ZNF397: variants seen among roughly 807,000 people sequenced by gnomAD.
ZNF397 encodes zinc finger protein 397, also known as zinc finger and SCAN domain-containing protein 15.
In ZNF397, 38 loss-of-function variants were observed where a neutral mutation model predicts 50.6. The observed-to-expected ratio is 0.75, with a 90% CI of 0.58 to 0.98. The LOEUF is 0.98. ZNF397 is among the 50% of genes least tolerant of loss of function. The pLI, the probability that ZNF397 is intolerant of heterozygous loss-of-function variation, is 0.00. For synonymous variants in ZNF397, 228 were observed against 215.2 expected (o/e 1.06, Z -0.52); for missense variants, 624 against 624.1 (o/e 1.00, Z 0.00).
intron 3 of ZNF397, among the ~76,000 whole-genome samples, chr18:35,244,968 A>G (rs897420304): frequency 1.2e-4 from 19 of 152,204 alleles, no homozygotes; most frequent in Non-Finnish European, 2.6e-4. Flanking sequence ...ACTTAAGCTT[A>G]TTTAAAAGCT....
rs1912435308 is a variant in ZNF397 at position 35,241,057 on chromosome 18, G to A, written c.-133G>A. On this transcript the variant is annotated 5_prime_UTR_variant, in exon 1 of 4. Coordinates refer to ENST00000330501, the MANE Select transcript of ZNF397 (RefSeq NM_001135178.3). ...GCGTACGCGCACTTCCGGTCTTTGT[G>A]GCTTGCAGCTCGGGGTGGGTGGCTC... 1 of 152,410 alleles carries A rather than the reference G, an allele frequency of 6.6e-6. No individual in the cohort carries two copies. The allele number at this position is 152,410 out of a possible 1,614,324, so 9.4% of individuals were successfully genotyped here.
intron 1 of ZNF397, among the ~76,000 whole-genome samples, chr18:35,242,069 G>C (rs1912544165): frequency 6.6e-6 from 1 of 152,186 alleles, no homozygotes; most frequent in Admixed American, 6.5e-5. Flanking sequence ...ACATGTTAAA[G>C]ATAGACTTTT....
chr18:35,244,931 GAAGGTTGATTTTAA>G (rs1335730052), intron 3 of ZNF397, among the ~76,000 whole-genome samples: 1 of 152,180 alleles, frequency 6.6e-6, no homozygotes, highest in Non-Finnish European at 1.5e-5. Context: ...ATGTAGGCAA[GAAGGTTGATTTTAA>G]AAGGTGAGAG....
chr18:35,248,181 C>T lies in ZNF397; in HGVS notation c.*1871C>T, dbSNP rs1480492010. ...AATAGGTCAGAAGAATAACATACCACACCAAAAACAAATCTGTATGGAAAT... is the reference window on the plus strand; with the variant it reads ...AATAGGTCAGAAGAATAACATACCATACCAAAAACAAATCTGTATGGAAAT... On this transcript the variant is annotated 3_prime_UTR_variant, in exon 4 of 4. Transcript: ENST00000330501. The T allele has an allele frequency of 1.3e-5, 2 of 152,138 alleles. No individual in the cohort carries two copies. The highest frequency in any genetic ancestry group is 2.4e-5 in the African/African-American group (1 of 41,426). The allele number at this position is 152,138 out of a possible 1,614,324, so 9.4% of individuals were successfully genotyped here.
chr18:35,254,246 C>T, downstream of ZNF397: 9 of 1,614,140 alleles, frequency 5.6e-6, no homozygotes, highest in Non-Finnish European at 6.8e-6. Flanking sequence ...GTCCAGACCT[C>T]CCAAAGCTTC....
At position 35,245,662 on chromosome 18, in the gene ZNF397, G is replaced by C; in HGVS notation, c.957G>C (p.Gly319=). The part of the protein sequence containing the change: ...GEKPYKCNQC[G]KAFSLRSYLI... ...AGCCCTATAAATGTAACCAGTGTGG[G>C]AAGGCCTTTAGTTTGAGGTCCTATC... Residue 319 remains glycine, a synonymous_variant, in exon 4 of 4, where the codon GGG becomes GGC. Transcript: ENST00000330501. 1 of 1,553,638 alleles carries C rather than the reference G, an allele frequency of 6.4e-7. No individual in the cohort carries two copies. Among genetic ancestry groups the C allele is most frequent in the Non-Finnish European group, 8.7e-7 (1 of 1,148,044 alleles).
Position 35,247,299 on chromosome 18 carries a change from T to TA in ZNF397, c.*990dup. ...TATGTGACCCCAGGGAAAGGGCAAATATGTGGTTTCCTTGCCCAACCTGTA... is the reference window on the plus strand; with the variant it reads ...TATGTGACCCCAGGGAAAGGGCAAATAATGTGGTTTCCTTGCCCAACCTGTA... On this transcript the variant is annotated 3_prime_UTR_variant, in exon 4 of 4. Coordinates refer to ENST00000330501, the MANE Select transcript of ZNF397 (RefSeq NM_001135178.3). 2.1e-6 allele frequency: 1 copy of TA among 465,692 alleles called. No homozygotes were observed. Among genetic ancestry groups the TA allele is most frequent in the Non-Finnish European group, 2.8e-6 (1 of 354,700 alleles). 28.8% of individuals were successfully genotyped at this position (465,692 alleles called of 1,614,324 possible).
downstream of ZNF397, chr18:35,253,341 G>T: frequency 4.9e-6 from 4 of 813,042 alleles, no homozygotes; most frequent in Non-Finnish European, 5.7e-6. Flanking sequence ...TACCGAACTG[G>T]GAGGGAAGGA....
In ZNF397 at chr18:35,246,123, GA is replaced by G; in HGVS notation, c.1420del (p.Ile474PhefsTer60). ...SLSSNLIRHQ[R>X]IHSGEEPYQC... The stretch of plus-strand genomic sequence containing the variant: ...AGCTCAAACCTTATCAGACATCAGA[GA>G]ATTCATAGTGGGGAGGAACCTTATC... On this transcript the variant is annotated frameshift_variant, in exon 4 of 4. Transcript: ENST00000330501. LOFTEE classifies it high-confidence loss of function. 1 of 1,551,746 alleles carries G rather than the reference GA, an allele frequency of 6.4e-7. No homozygotes were observed. Among genetic ancestry groups the G allele is most frequent in the African/African-American group, 1.4e-5 (1 of 73,156 alleles).
At position 35,246,590 on chromosome 18, in the gene ZNF397, C is replaced by T; in HGVS notation, c.*280C>T. On this transcript the variant is annotated 3_prime_UTR_variant, in exon 4 of 4. Coordinates refer to ENST00000330501, the MANE Select transcript of ZNF397 (RefSeq NM_001135178.3). ...AAGTGGGAATGTAACATTGAAACCT[C>T]ATTTTGTATGAAAGTGTCATGAATA... 1.7e-6 allele frequency: 2 copies of T among 1,184,022 alleles called. No homozygotes were observed. Among genetic ancestry groups the T allele is most frequent in the South Asian group, 2.5e-5 (1 of 39,402 alleles). The allele number at this position is 1,184,022 out of a possible 1,614,324, so 73.3% of individuals were successfully genotyped here.
At chr18:35,254,432 G>A (rs376471754), downstream of ZNF397, 3 of 1,612,714 alleles carry the variant, frequency 1.9e-6, no homozygotes, top group Middle Eastern at 1.6e-4. Context: ...CATGACAGAA[G>A]AAACTGTTGT....
At chr18:35,254,356 C>T (rs2143651542), downstream of ZNF397, 1 of 1,613,960 alleles carries the variant, frequency 6.2e-7, no homozygotes, top group Admixed American at 1.7e-5. Flanking sequence ...TTGCCATCAA[C>T]ACTTTGCCAG....
downstream of ZNF397, chr18:35,253,421 T>G: frequency 6.6e-7 from 1 of 1,523,184 alleles, no homozygotes; most frequent in Non-Finnish European, 8.8e-7. Flanking sequence ...TCCTTGCATT[T>G]CACAATTGTA....
chr18:35,244,170 C>T (rs892865330), intron 3 of ZNF397: 3 of 154,366 alleles, frequency 1.9e-5, no homozygotes, highest in Non-Finnish European at 4.4e-5. Flanking sequence ...GACTCCTGTT[C>T]AACAGCATTT....
At chr18:35,255,479 T>A (rs2043773813) in intron 5 of ZNF397, among the ~76,000 whole-genome samples, 1 of 151,786 alleles carries the variant, frequency 6.6e-6, no homozygotes, top group Admixed American at 6.6e-5. Flanking sequence ...TTGCTAAGAG[T>A]TAGGATTCAA....
Position 35,245,783 on chromosome 18 carries a change from C to T in ZNF397, c.1078C>T (p.Arg360Trp), listed in dbSNP as rs746286942. Residue 360 changes from arginine (R) to tryptophan (W), a missense_variant, in exon 4 of 4, where the codon CGG becomes TGG. Transcript: ENST00000330501. ...TCAGAGCTCAGCCCTCATTAGACATCGGAAAATCCATACTGGTGAGAAAGC... is the reference window on the plus strand; with the variant it reads ...TCAGAGCTCAGCCCTCATTAGACATTGGAAAATCCATACTGGTGAGAAAGC... ...FNQSSALIRH[R>W]KIHTGEKACK... 5.0e-5 allele frequency: 77 copies of T among 1,551,986 alleles called. No homozygotes were observed. Among genetic ancestry groups the T allele is most frequent in the Non-Finnish European group, 6.6e-5 (76 of 1,147,168 alleles).
downstream of ZNF397, among the ~76,000 whole-genome samples, chr18:35,249,980 C>A (rs1285784143): frequency 2.0e-5 from 3 of 151,948 alleles, no homozygotes; most frequent in Non-Finnish European, 4.4e-5. Context: ...AAAGCACTTG[C>A]TTTTCATAGC....
rs759842783 is a variant in ZNF397, at chr18:35,246,064, T to C, written c.1359T>C (p.Tyr453=). The C allele has an allele frequency of 7.1e-6, 11 of 1,559,262 alleles. No homozygotes were observed. The highest frequency in any genetic ancestry group is 9.6e-6 in the Non-Finnish European group (11 of 1,151,638). The change falls in exon 4 of 4, where the codon TAT becomes TAC. Residue 453 remains tyrosine, a synonymous_variant. Coordinates refer to ENST00000330501, the MANE Select transcript of ZNF397 (RefSeq NM_001135178.3). The part of the protein sequence containing the change: ...HQRIHSGEKP[Y]ECSECGKAFS... ...GAATACATAGTGGAGAGAAACCCTA[T>C]GAATGTAGTGAATGTGGAAAAGCTT...
rs116213495 is a variant in ZNF397, at chr18:35,255,277, G to A, written c.817+875G>A. On this transcript the variant is annotated intron_variant, in intron 5 of 5. Transcript: ENST00000261333. ...AGTAACTCATAACAGAAGGCTACTA[G>A]AGATGGGGCATATTATGTCAGCCAT... Among the ~76,000 whole-genome samples the A allele has an allele frequency of 2.5e-3, 379 of 151,546 alleles. 1 individual carries two copies. Among genetic ancestry groups the A allele is most frequent in the African/African-American group, 8.8e-3 (363 of 41,418 alleles).
Sources: allele counts gnomAD v4.1 joint callset (sites outside exome capture counted in the v4.1 genomes callset), GRCh38; gene constraint gnomAD v4.1.1; transcripts MANE v1.5; gene names NCBI Gene and HGNC (gene_info 2026-07-23, HGNC 2026-07-21).